The following DNAH11 variants were observed in gnomAD, a reference collection of about 807,000 sequenced individuals.
DNAH11 encodes axonemal beta dynein heavy chain 11.
Under a neutral mutation model 526.0 loss-of-function variants are expected in DNAH11, and 442 were observed. The ratio of observed to expected loss-of-function variants is 0.84; its 90% CI spans 0.78 to 0.91. DNAH11 has a LOEUF of 0.91. DNAH11 is among the 40% of genes least tolerant of loss of function. The probability of loss-of-function intolerance (pLI) is 0.00; values close to 1 mark genes in which losing one functional copy is unlikely to be tolerated. For synonymous variants in DNAH11, 2,461 were observed against 1,935.9 expected (o/e 1.27, Z -7.12); for missense variants, 6,989 against 5,448.7 (o/e 1.28, Z -8.90).
chr7:21,894,117 G>T (rs959807735), intron 77 of DNAH11, among the ~76,000 whole-genome samples: 3 of 152,198 alleles, frequency 2.0e-5, no homozygotes, highest in African/African-American at 7.2e-5. Flanking sequence ...TCGAACTCCT[G>T]ACTTCAAGCG....
intron 25 of DNAH11, among the ~76,000 whole-genome samples, chr7:21,628,039 A>G (rs1214172031): frequency 2.0e-5 from 3 of 151,868 alleles, no homozygotes. Flanking sequence ...AGTTGATATT[A>G]TTTGTAGCTA....
intron 76 of DNAH11, among the ~76,000 whole-genome samples, chr7:21,884,986 C>T (rs1299026395): frequency 1.3e-5 from 2 of 151,674 alleles, no homozygotes; most frequent in East Asian, 3.9e-4. Flanking sequence ...GTTAATTAGC[C>T]TGATTTAACC....
At chr7:21,735,070 T>G (rs116874582) in intron 45 of DNAH11, among the ~76,000 whole-genome samples, 3,101 of 151,750 alleles carry the variant, frequency 0.02, 190 homozygotes, top group East Asian at 0.12. Context: ...CTCAGGAGGC[T>G]GAAGTGGGAG....
At chr7:21,612,503 C>T (rs992277226) in intron 20 of DNAH11, among the ~76,000 whole-genome samples, 2 of 135,344 alleles carry the variant, frequency 1.5e-5, no homozygotes, top group Non-Finnish European at 3.1e-5. Flanking sequence ...TGCAGTGAGC[C>T]AAGATTGCAC....
At chr7:21,823,571 AT>A (rs887916945) in intron 65 of DNAH11, among the ~76,000 whole-genome samples, 2 of 151,954 alleles carry the variant, frequency 1.3e-5, no homozygotes, top group East Asian at 1.9e-4. Context: ...TCATTTTGCC[AT>A]TTTTTTCTCC....
chr7:21,710,973 C>T (rs1784444257), intron 41 of DNAH11, among the ~76,000 whole-genome samples: 1 of 152,164 alleles, frequency 6.6e-6, no homozygotes, highest in South Asian at 2.1e-4. Flanking sequence ...GATCTTACCA[C>T]TTTCTAAGAG....
At chr7:21,694,364 G>T (rs550634164) in intron 35 of DNAH11, among the ~76,000 whole-genome samples, 1 of 152,128 alleles carries the variant, frequency 6.6e-6, no homozygotes, top group African/African-American at 2.4e-5. Context: ...CCCACCACCT[G>T]ACAGGCCCTG....
intron 68 of DNAH11, among the ~76,000 whole-genome samples, chr7:21,855,342 T>A (rs1276507945): frequency 6.6e-6 from 1 of 152,234 alleles, no homozygotes; most frequent in Non-Finnish European, 1.5e-5. Context: ...GCAGACTCTT[T>A]AAGGGAATTT....
chr7:21,577,203 A>G (rs1345968115), intron 8 of DNAH11, among the ~76,000 whole-genome samples: 1 of 152,230 alleles, frequency 6.6e-6, no homozygotes, highest in Non-Finnish European at 1.5e-5. Flanking sequence ...CAAAGGCTCA[A>G]GAAGGAGAGA....
At chr7:21,776,500 A>G (rs7793481) in intron 56 of DNAH11, among the ~76,000 whole-genome samples, 95,762 of 152,038 alleles carry the variant, frequency 0.63, 31,681 homozygotes, top group African/African-American at 0.82. Context: ...GGAATGCCAC[A>G]TCATTTGAAA....
intron 66 of DNAH11, 95 bp downstream of exon 66, chr7:21,842,843 C>T: frequency 9.4e-7 from 1 of 1,067,462 alleles, no homozygotes. Context: ...GATTCCTGCC[C>T]TCTAGAATCC....
intron 8 of DNAH11, among the ~76,000 whole-genome samples, chr7:21,575,418 C>T (rs1276462507): frequency 6.6e-6 from 1 of 152,212 alleles, no homozygotes; most frequent in Non-Finnish European, 1.5e-5. Flanking sequence ...TTTAGTTCAT[C>T]TGTACTAGGT....
intron 75 of DNAH11, among the ~76,000 whole-genome samples, 200 bp from the exon 76 acceptor site, chr7:21,884,091 C>T (rs1263791981): frequency 2.6e-5 from 4 of 152,202 alleles, no homozygotes; most frequent in Non-Finnish European, 5.9e-5. Context: ...TGAATTTTCA[C>T]TGACTATATT....
chr7:21,683,887 A>T lies in DNAH11; in HGVS notation c.5564A>T (p.Tyr1855Phe). The change falls in exon 32 of 82, where the codon TAC (tyrosine) becomes TTC (phenylalanine). Residue 1855 changes from tyrosine to phenylalanine, a missense_variant. By Grantham distance (22) the Tyr-to-Phe change is conservative. Coordinates refer to ENST00000409508, the MANE Select transcript of DNAH11 (RefSeq NM_001277115.2). Reference protein sequence around the residue: ...FVNICDAQFQYFYEYLGNSPR... With the variant: ...FVNICDAQFQFFYEYLGNSPR... ...AATATTTGTGATGCCCAGTTCCAGTACTTCTATGAATACTTAGGAAACAGC... is the reference window on the plus strand; with the variant it reads ...AATATTTGTGATGCCCAGTTCCAGTTCTTCTATGAATACTTAGGAAACAGC... 6.2e-7 allele frequency: 1 copy of T among 1,613,830 alleles called. No individual in the cohort carries two copies. The highest frequency in any genetic ancestry group is 8.5e-7 in the Non-Finnish European group (1 of 1,179,748).
intron 74 of DNAH11, 57 bp from the exon 75 acceptor site, chr7:21,880,645 C>G: frequency 6.3e-7 from 1 of 1,591,992 alleles, no homozygotes; most frequent in Non-Finnish European, 8.6e-7. Context: ...AACGCAGACC[C>G]TTGCTCTTGG....
Position 21,789,291 on chromosome 7 carries a change from A to C in DNAH11, c.9975A>C (p.Leu3325Phe), listed in dbSNP as rs1463442747. ...PKRQALAQAN[L>F]ELAAATEKLE... is the part of the protein sequence containing the mutation. The stretch of plus-strand genomic sequence containing the variant: ...GCCAAGCATTAGCCCAAGCAAACTT[A>C]GAACTGGCTGCAGCTACTGAAAAAC... Residue 3325 changes from leucine to phenylalanine, a missense_variant, in exon 61 of 82, where the codon TTA (leucine) becomes TTC (phenylalanine). By Grantham distance (22) the Leu-to-Phe change is conservative. Coordinates refer to ENST00000409508, the MANE Select transcript of DNAH11 (RefSeq NM_001277115.2). 2 of 1,578,970 alleles carry C rather than the reference A, an allele frequency of 1.3e-6. No homozygotes were observed. Among genetic ancestry groups the C allele is most frequent in the South Asian group, 1.2e-5 (1 of 85,606 alleles).
At chr7:21,629,168 G>A (rs570631971) in intron 25 of DNAH11, among the ~76,000 whole-genome samples, 47 of 152,024 alleles carry the variant, frequency 3.1e-4, no homozygotes, top group African/African-American at 1.1e-3. Context: ...TGATTCATTG[G>A]TTGGTTAGGA....
chr7:21,729,719 G>T (rs74673371), intron 45 of DNAH11, among the ~76,000 whole-genome samples: 98,641 of 151,732 alleles, frequency 0.65, 32,498 homozygotes, highest in South Asian at 0.73. Context: ...GGTCTCACCA[G>T]AACCATCTGA....
chr7:21,676,370 A>G (rs1163918771), intron 30 of DNAH11, among the ~76,000 whole-genome samples: 1 of 152,158 alleles, frequency 6.6e-6, no homozygotes, highest in Non-Finnish European at 1.5e-5. Context: ...GCTGCTAAGG[A>G]GTGTTTTCTA....
Sources: gnomAD v4.1 joint callset for allele counts (sites outside exome capture counted in the v4.1 genomes callset) on GRCh38, gnomAD v4.1.1 for gene constraint, MANE v1.5 for transcripts, NCBI Gene and HGNC (gene_info 2026-07-23, HGNC 2026-07-21) for gene names.